GCNT4: variants seen among roughly 807,000 people sequenced by gnomAD.
GCNT4 encodes the protein glucosaminyl (N-acetyl) transferase 4.
GCNT4 carries 17 observed loss-of-function variants against 31.3 expected under a neutral mutation model. That is an observed-to-expected ratio of 0.54 (90% CI 0.37 to 0.81). The LOEUF is 0.81. Among genes scored for constraint, GCNT4 ranks in the 40% least tolerant of loss-of-function variants. The pLI, the probability that GCNT4 is intolerant of heterozygous loss-of-function variation, is 0.00. For synonymous variants in GCNT4, 158 were observed against 190.6 expected (o/e 0.83, Z 1.41); for missense variants, 503 against 525.5 (o/e 0.96, Z 0.42).
Position 75,026,661 on chromosome 5 carries a change from A to AAAC in GCNT4, c.*2014_*2015insGTT, listed in dbSNP as rs1437146681. 6.6e-6 allele frequency: 1 copy of AAAC among 151,050 alleles called. No homozygotes were observed. The highest frequency in any genetic ancestry group is 2.4e-5 in the African/African-American group (1 of 41,062). The allele number at this position is 151,050 out of a possible 1,614,324, so 9.4% of individuals were successfully genotyped here. A position where few individuals can be genotyped will look rare whatever the true frequency, so the allele number is the denominator to read the frequency against. On this transcript the variant is annotated 3_prime_UTR_variant, in exon 4 of 4. Transcript: ENST00000652361. Reference sequence around the variant, plus strand: ...ATCGATTCTCACAAAAAAAAAAAAAAAAAAAAAAAAACACTTGTGTGGAAG... The same window carrying AAAC: ...ATCGATTCTCACAAAAAAAAAAAAAAAACAAAAAAAAAAACACTTGTGTGGAAG...
In GCNT4 at chr5:75,032,872, G is replaced by GGTGGGTGTGTGTGTGTGT. The variant is rs55942109; in HGVS notation, c.-1-2835_-1-2834insACACACACACACACCCAC. 1.9e-3 allele frequency among the ~76,000 whole-genome samples: 253 copies of GGTGGGTGTGTGTGTGTGT among 130,758 alleles called. 8 individuals are homozygous for GGTGGGTGTGTGTGTGTGT. Among genetic ancestry groups the GGTGGGTGTGTGTGTGTGT allele is most frequent in the Non-Finnish European group, 3.1e-3 (186 of 59,052 alleles). The allele number at this position is 130,758 out of a possible 152,430, so 85.8% of individuals were successfully genotyped here. A position where few individuals can be genotyped will look rare whatever the true frequency, so the allele number is the denominator to read the frequency against. Reference sequence around the variant, plus strand: ...AGAAGACTAATCAATCCCAAATAGGGGTGTGTGTGTGTGTGTGTGTGTGTG... The same window carrying GGTGGGTGTGTGTGTGTGT: ...AGAAGACTAATCAATCCCAAATAGGGGTGGGTGTGTGTGTGTGTGTGTGTGTGTGTGTGTGTGTGTGTG... On this transcript the variant is annotated intron_variant, in intron 3 of 3. Coordinates refer to ENST00000652361, the MANE Select transcript of GCNT4 (RefSeq NM_001366737.1).
At position 75,029,156 on chromosome 5, in the gene GCNT4, A is replaced by AT. The variant is rs1561372776; in HGVS notation, c.881dup (p.His294GlnfsTer2). 6.2e-7 allele frequency: 1 copy of AT among 1,614,012 alleles called. No homozygotes were observed. The highest frequency in any genetic ancestry group is 1.7e-5 in the Admixed American group (1 of 60,022). On this transcript the variant is annotated frameshift_variant, in exon 4 of 4. Transcript: ENST00000652361. LOFTEE classifies it high-confidence loss of function. ...CACTGCCAACAAATATCTGAATGTT[A>AT]TGGGGGGGTGCTTCCTTGGAGATGT...
intron 3 of GCNT4, chr5:75,030,440 G>A (rs1019973216): frequency 5.6e-6 from 1 of 177,338 alleles, no homozygotes; most frequent in Non-Finnish European, 1.3e-5. Context: ...ACTCACCTAA[G>A]GCCAAAGGGA....
At chr5:75,034,226 G>T (rs1201866907) in intron 3 of GCNT4, among the ~76,000 whole-genome samples, 2 of 152,212 alleles carry the variant, frequency 1.3e-5, no homozygotes, top group East Asian at 3.9e-4. Flanking sequence ...CCTTGGTTCA[G>T]CTGGCTTTGG....
intron 3 of GCNT4, among the ~76,000 whole-genome samples, chr5:75,036,833 C>T (rs553706770): frequency 1.3e-5 from 2 of 152,296 alleles, no homozygotes; most frequent in East Asian, 3.9e-4. Flanking sequence ...ACTCCTGTCC[C>T]GTATCCTGTC....
chr5:75,027,349 TATA>T lies in GCNT4; in HGVS notation c.*1324_*1326del, dbSNP rs1742969590. 1 of 15,538 alleles carries T rather than the reference TATA, an allele frequency of 6.4e-5. No individual in the cohort carries two copies. The allele number at this position is 15,538 out of a possible 1,614,324, so 1.0% of individuals were successfully genotyped here. On this transcript the variant is annotated 3_prime_UTR_variant, in exon 4 of 4. Coordinates refer to ENST00000652361, the MANE Select transcript of GCNT4 (RefSeq NM_001366737.1). ...TATATTCATATACAATATATGTATA[TATA>T]ATATATATATTTATATATTATATAT...
intron 3 of GCNT4, among the ~76,000 whole-genome samples, chr5:75,032,325 G>A (rs1743081349): frequency 6.6e-6 from 1 of 152,094 alleles, no homozygotes; most frequent in Non-Finnish European, 1.5e-5. Flanking sequence ...AGCCTCAGAG[G>A]TGGACCTGCA....
intron 3 of GCNT4, among the ~76,000 whole-genome samples, chr5:75,047,112 T>C (rs575280859): frequency 6.6e-6 from 1 of 152,330 alleles, no homozygotes; most frequent in Admixed American, 6.5e-5. Flanking sequence ...TATATAAGTG[T>C]TCAATTCTCA....
At position 75,028,802 on chromosome 5, in the gene GCNT4, A is replaced by G. The variant is rs746572918; in HGVS notation, c.1236T>C (p.Phe412=). The change falls in exon 4 of 4, where the codon TTT becomes TTC. Residue 412 remains phenylalanine, a synonymous_variant. Transcript: ENST00000652361. The part of the protein sequence containing the change: ...IKDGHWFANK[F]DSKVDPILIK... ...TCAAGATAGGGTCCACCTTAGAATC[A>G]AATTTATTAGCAAACCAATGTCCAT... 2.9e-5 allele frequency: 47 copies of G among 1,614,078 alleles called. No homozygotes were observed. The highest frequency in any genetic ancestry group is 3.9e-5 in the Non-Finnish European group (46 of 1,179,998).
chr5:75,032,296 A>G (rs1253201852), intron 3 of GCNT4, among the ~76,000 whole-genome samples: 1 of 152,002 alleles, frequency 6.6e-6, no homozygotes, highest in Non-Finnish European at 1.5e-5. Flanking sequence ...CTTTCCCTCC[A>G]GCCTTCACCT....
rs1743586100 is a variant in GCNT4 at position 75,052,189 on chromosome 5, A to T, written c.-163T>A. On this transcript the variant is annotated 5_prime_UTR_variant, in exon 2 of 4. Coordinates refer to ENST00000652361, the MANE Select transcript of GCNT4 (RefSeq NM_001366737.1). ...CTCACATGAGACAATTAAACGCATTATATTAGCCCCAACTCTGTTAATCTT... is the reference window on the plus strand; with the variant it reads ...CTCACATGAGACAATTAAACGCATTTTATTAGCCCCAACTCTGTTAATCTT... 6.6e-6 allele frequency: 1 copy of T among 150,664 alleles called. No individual in the cohort carries two copies. The allele number at this position is 150,664 out of a possible 1,614,324, so 9.3% of individuals were successfully genotyped here. A position where few individuals can be genotyped will look rare whatever the true frequency, so the allele number is the denominator to read the frequency against.
intron 2 of GCNT4, among the ~76,000 whole-genome samples, chr5:75,050,200 C>T (rs1172373199): frequency 6.6e-6 from 1 of 152,230 alleles, no homozygotes; most frequent in Non-Finnish European, 1.5e-5. Context: ...CATGTTTCTC[C>T]TAAACATTAC....
At chr5:75,049,107 C>G (rs1743510115) in intron 2 of GCNT4, among the ~76,000 whole-genome samples, 1 of 149,302 alleles carries the variant, frequency 6.7e-6, no homozygotes, top group Admixed American at 6.7e-5. Flanking sequence ...GAAGAATTTA[C>G]TGGTTTTGAA....
intron 3 of GCNT4, chr5:75,030,932 G>A (rs1256627734): frequency 6.0e-6 from 1 of 166,870 alleles, no homozygotes; most frequent in African/African-American, 2.4e-5. Flanking sequence ...TATGTGAAAA[G>A]GCCTGAGACC....
At chr5:75,018,896 T>G in the GCNT4 span, among the ~76,000 whole-genome samples, 1 of 152,028 alleles carries the variant, frequency 6.6e-6, no homozygotes, top group Non-Finnish European at 1.5e-5. Context: ...CAGGGAGGGC[T>G]GGGGATGCAG....
intron 3 of GCNT4, among the ~76,000 whole-genome samples, chr5:75,044,073 C>G (rs955813964): frequency 2.6e-5 from 4 of 152,178 alleles, no homozygotes; most frequent in Admixed American, 2.6e-4. Context: ...TGGCAAACTT[C>G]CTCTGTGTAT....
chr5:75,050,971 T>C (rs1743556978), intron 2 of GCNT4, among the ~76,000 whole-genome samples: 2 of 152,362 alleles, frequency 1.3e-5, no homozygotes, highest in African/African-American at 2.4e-5. Flanking sequence ...GGTGTGAAAC[T>C]GTCCTGAGGA....
chr5:75,050,387 G>A (rs1054137310), intron 2 of GCNT4, among the ~76,000 whole-genome samples: 2 of 152,048 alleles, frequency 1.3e-5, no homozygotes, highest in African/African-American at 4.8e-5. Flanking sequence ...TCGCTCCATC[G>A]CATTCACATA....
chr5:75,042,169 C>T (rs1424820170), intron 3 of GCNT4, among the ~76,000 whole-genome samples: 1 of 152,170 alleles, frequency 6.6e-6, no homozygotes, highest in African/African-American at 2.4e-5. Flanking sequence ...GTCTTCTCTG[C>T]CCTTCTCACT....
Sources: allele counts gnomAD v4.1 joint callset (sites outside exome capture counted in the v4.1 genomes callset), GRCh38; gene constraint gnomAD v4.1.1; transcripts MANE v1.5; gene names NCBI Gene and HGNC (gene_info 2026-07-23, HGNC 2026-07-21).